The following MSRA variants were observed in gnomAD, a reference collection of about 807,000 sequenced individuals.
The protein encoded by MSRA is methionine sulfoxide reductase A.
A neutral mutation model predicts 31.3 loss-of-function variants in MSRA; 54 were observed. The observed-to-expected ratio is 1.73, with a 90% CI of 1.39 to 2.17. The LOEUF (loss-of-function observed/expected upper bound fraction) is 2.17. MSRA is among the 30% of genes most tolerant of loss of function. The probability of loss-of-function intolerance (pLI) is 0.00; values close to 1 mark genes in which losing one functional copy is unlikely to be tolerated. For synonymous variants in MSRA, 169 were observed against 116.5 expected, an observed-to-expected ratio of 1.45 and a Z score of -2.90; for missense variants, 507 against 300.9, an observed-to-expected ratio of 1.69 and a Z score of -5.07.
chr8:10,256,527 G>C (rs1285404434), intron 3 of MSRA, among the ~76,000 whole-genome samples: 1 of 152,218 alleles, frequency 6.6e-6, no homozygotes, highest in Non-Finnish European at 1.5e-5. Context: ...TTCTACCAGA[G>C]AGGATTTCTG....
rs541719602 is a variant in MSRA at position 10,132,347 on chromosome 8, G to A, written c.143-75486G>A. Among the ~76,000 whole-genome samples the A allele has an allele frequency of 8.5e-5, 13 of 152,328 alleles. No individual in the cohort carries two copies. In the South Asian group the frequency reaches 1.7e-3, roughly 19 times the overall value. On this transcript the variant is annotated intron_variant, in intron 1 of 5. Transcript: ENST00000317173. ...TTTGTCACTGAATTCTCTGAAGCGT[G>A]TTTGACTCTGCTTAGGGGACCCCCA...
At chr8:10,174,159 G>A (rs888939019) in intron 1 of MSRA, among the ~76,000 whole-genome samples, 1 of 152,210 alleles carries the variant, frequency 6.6e-6, no homozygotes, top group Non-Finnish European at 1.5e-5. Context: ...TTAGCTGTCT[G>A]CACATTCCAA....
chr8:10,146,418 C>A (rs1020238799), intron 1 of MSRA, among the ~76,000 whole-genome samples: 3 of 152,156 alleles, frequency 2.0e-5, no homozygotes, highest in Non-Finnish European at 2.9e-5. Flanking sequence ...GAGGTTCTCT[C>A]CCTGGGATGC....
chr8:10,162,391 C>T (rs1357684994), intron 1 of MSRA, among the ~76,000 whole-genome samples: 1 of 152,058 alleles, frequency 6.6e-6, no homozygotes, highest in East Asian at 1.9e-4. Context: ...GAAAAATGTT[C>T]TCACCAGAAC....
intron 4 of MSRA, among the ~76,000 whole-genome samples, chr8:10,305,509 G>C (rs1362424375): frequency 6.6e-6 from 1 of 150,548 alleles, no homozygotes; most frequent in Non-Finnish European, 1.5e-5. Context: ...TGCTTCACAG[G>C]TTCAAGTGAT....
At chr8:10,309,378 G>C (rs1417777050) in intron 4 of MSRA, among the ~76,000 whole-genome samples, 2 of 152,212 alleles carry the variant, frequency 1.3e-5, no homozygotes, top group Non-Finnish European at 2.9e-5. Flanking sequence ...AATAGCTGTC[G>C]TGCTCATGCC....
At chr8:10,179,894 A>G (rs975593472) in intron 1 of MSRA, among the ~76,000 whole-genome samples, 4 of 152,186 alleles carry the variant, frequency 2.6e-5, no homozygotes, top group Non-Finnish European at 5.9e-5. Flanking sequence ...GTCAACCCCA[A>G]AGTTGTTCTA....
chr8:10,404,315 A>G (rs1332316878), intron 5 of MSRA, among the ~76,000 whole-genome samples: 2 of 152,108 alleles, frequency 1.3e-5, no homozygotes, highest in African/African-American at 4.8e-5. Flanking sequence ...TCTTTTCCTG[A>G]CAACACTAGA....
At chr8:10,233,485 T>G in intron 2 of MSRA, among the ~76,000 whole-genome samples, 1 of 152,206 alleles carries the variant, frequency 6.6e-6, no homozygotes, top group East Asian at 1.9e-4. Context: ...TAATAAACTA[T>G]GACAGAAAAT....
At chr8:10,225,107 A>G (rs1211385238) in intron 2 of MSRA, among the ~76,000 whole-genome samples, 1 of 152,238 alleles carries the variant, frequency 6.6e-6, no homozygotes, top group Non-Finnish European at 1.5e-5. Flanking sequence ...ACTGCACTCC[A>G]ACCTGGGTGA....
chr8:10,421,460 C>G (rs1394731652), intron 5 of MSRA, among the ~76,000 whole-genome samples: 5 of 152,060 alleles, frequency 3.3e-5, no homozygotes, highest in African/African-American at 1.2e-4. Flanking sequence ...CCACTGCCAC[C>G]TGTGCTGCCA....
chr8:10,230,372 G>C (rs1563246311), intron 2 of MSRA, among the ~76,000 whole-genome samples: 3 of 152,196 alleles, frequency 2.0e-5, no homozygotes, highest in Non-Finnish European at 2.9e-5. Context: ...GTGGAGATGG[G>C]GGTGTAGGAA....
chr8:10,278,878 C>T (rs1388025286), intron 3 of MSRA, among the ~76,000 whole-genome samples: 1 of 152,144 alleles, frequency 6.6e-6, no homozygotes, highest in Non-Finnish European at 1.5e-5. Flanking sequence ...CTTAGTCTTT[C>T]AAAGATTTTT....
chr8:10,325,921 C>T (rs1282621990), intron 5 of MSRA, among the ~76,000 whole-genome samples: 1 of 152,170 alleles, frequency 6.6e-6, no homozygotes, highest in African/African-American at 2.4e-5. Context: ...TTTCTTAACA[C>T]TCCTGGATTA....
At chr8:10,195,348 C>G (rs1222654034) in intron 1 of MSRA, among the ~76,000 whole-genome samples, 1 of 152,220 alleles carries the variant, frequency 6.6e-6, no homozygotes, top group Non-Finnish European at 1.5e-5. Context: ...TCAGACAATT[C>G]TTCTGCCTCA....
chr8:10,207,815 CTT>C lies in MSRA; in HGVS notation c.143-6_143-5del, dbSNP rs77793822. ...GAACTTTACACTTAAACTTGCATTTCTTTTTTTTTTTTTCTAGCCAAACATCA... is the reference window on the plus strand; with the variant it reads ...GAACTTTACACTTAAACTTGCATTTCTTTTTTTTTTTCTAGCCAAACATCA... On this transcript the variant is annotated splice_polypyrimidine_tract_variant and intron_variant, in intron 1 of 5. Transcript: ENST00000317173. 1,228 of 1,280,878 alleles carry C rather than the reference CTT, an allele frequency of 9.6e-4. No individual in the cohort carries two copies. The highest frequency in any genetic ancestry group is 2.2e-3 in the Admixed American group (105 of 48,066). The allele number at this position is 1,280,878 out of a possible 1,614,324, so 79.3% of individuals were successfully genotyped here. A position where few individuals can be genotyped will look rare whatever the true frequency, so the allele number is the denominator to read the frequency against.
At chr8:10,167,400 A>C (rs1025301335) in intron 1 of MSRA, among the ~76,000 whole-genome samples, 22 of 152,190 alleles carry the variant, frequency 1.4e-4, no homozygotes, top group African/African-American at 5.1e-4. Flanking sequence ...CTTAGGGCAA[A>C]TCACTTTTAA....
chr8:10,424,915 C>T (rs1809043360), intron 5 of MSRA, among the ~76,000 whole-genome samples: 1 of 152,188 alleles, frequency 6.6e-6, no homozygotes, highest in South Asian at 2.1e-4. Context: ...CGGGGGACAG[C>T]GAAGGAGCAG....
chr8:10,210,065 T>A lies in MSRA; in HGVS notation c.211+2164T>A, dbSNP rs75710079. Among the ~76,000 whole-genome samples, 580 of 151,886 alleles carry A rather than the reference T, an allele frequency of 3.8e-3. 4 individuals carry two copies. The highest frequency in any genetic ancestry group is 0.013 in the African/African-American group (529 of 41,420). On this transcript the variant is annotated intron_variant, in intron 2 of 5. Transcript: ENST00000317173. ...CTTGTCGCCCTGGGCTAGGGTAGAG[T>A]AGGGGATTTGGGGGGTTTTGAGGGT...
Sources: gnomAD v4.1 joint callset for allele counts (sites outside exome capture counted in the v4.1 genomes callset) on GRCh38, gnomAD v4.1.1 for gene constraint, MANE v1.5 for transcripts, NCBI Gene and HGNC (gene_info 2026-07-23, HGNC 2026-07-21) for gene names.